The following DNAJC3 variants were observed in gnomAD, a reference collection of about 807,000 sequenced individuals.
The protein encoded by DNAJC3 is DnaJ heat shock protein family (Hsp40) member C3.
DNAJC3 carries 38 observed loss-of-function variants against 68.6 expected under a neutral mutation model. The observed-to-expected ratio is 0.55, with a 90% CI of 0.43 to 0.73. DNAJC3 has a LOEUF of 0.73. Among genes scored for constraint, DNAJC3 ranks in the 30% least tolerant of loss-of-function variants. The pLI, the probability that DNAJC3 is intolerant of heterozygous loss-of-function variation, is 0.00. For synonymous variants in DNAJC3, 203 were observed against 204.0 expected (o/e 1.00, Z 0.04); for missense variants, 526 against 591.9 (o/e 0.89, Z 1.16).
intron 9 of DNAJC3, among the ~76,000 whole-genome samples, chr13:95,776,172 T>A (rs1002081762): frequency 6.6e-6 from 1 of 152,176 alleles, no homozygotes; most frequent in Non-Finnish European, 1.5e-5. Flanking sequence ...GGATTCTTTT[T>A]TTATTTTGCT....
intron 4 of DNAJC3, 65 bp from the exon 5 acceptor site, chr13:95,757,579 T>G: frequency 3.5e-6 from 5 of 1,418,414 alleles, no homozygotes; most frequent in Non-Finnish European, 4.7e-6. Context: ...TTTACCCTTG[T>G]GTATATTACA....
chr13:95,766,311 G>A (rs748338530), intron 9 of DNAJC3, among the ~76,000 whole-genome samples: 7 of 152,200 alleles, frequency 4.6e-5, no homozygotes, highest in Non-Finnish European at 8.8e-5. Flanking sequence ...TAGAAAGCAA[G>A]TAAAGTAAGA....
chr13:95,688,948 GT>G (rs1469212454), intron 1 of DNAJC3, among the ~76,000 whole-genome samples: 14 of 150,854 alleles, frequency 9.3e-5, no homozygotes, highest in Non-Finnish European at 1.8e-4. Context: ...GTGTGTGTGT[GT>G]GTGTGTGTGT....
In DNAJC3 at chr13:95,790,968, T is replaced by A; in HGVS notation, c.1453T>A (p.Trp485Arg). 1 of 1,612,866 alleles carries A rather than the reference T, an allele frequency of 6.2e-7. No individual in the cohort carries two copies. Among genetic ancestry groups the A allele is most frequent in the South Asian group, 1.1e-5 (1 of 90,630 alleles). Reference sequence around the variant, plus strand: ...CCCTTTCCACAGAAGCTGGAACTCATGGCAAGGGTTCAATCCCTTCAGCTC... The same window carrying A: ...CCCTTTCCACAGAAGCTGGAACTCAAGGCAAGGGTTCAATCCCTTCAGCTC... Reference protein sequence around the residue: ...GNPFHRSWNSWQGFNPFSSGG... With the variant: ...GNPFHRSWNSRQGFNPFSSGG... The change falls in exon 12 of 12, where the codon TGG becomes AGG. Residue 485 changes from tryptophan (W) to arginine (R), a missense_variant. Coordinates refer to ENST00000602402, the MANE Select transcript of DNAJC3 (RefSeq NM_006260.5).
intron 2 of DNAJC3, among the ~76,000 whole-genome samples, chr13:95,711,424 G>A (rs1170679433): frequency 1.3e-5 from 2 of 151,736 alleles, no homozygotes; most frequent in African/African-American, 4.9e-5. Context: ...TTAGACCCAG[G>A]GGCCCGGAGG....
intron 9 of DNAJC3, among the ~76,000 whole-genome samples, chr13:95,782,811 CTTTAG>C (rs1338192714): frequency 2.0e-5 from 3 of 152,162 alleles, no homozygotes; most frequent in Non-Finnish European, 2.9e-5. Flanking sequence ...TGGAGAAGCT[CTTTAG>C]TTTAATTAGA....
At chr13:95,712,722 G>A (rs1235952570) in intron 2 of DNAJC3, among the ~76,000 whole-genome samples, 3 of 152,072 alleles carry the variant, frequency 2.0e-5, no homozygotes, top group Non-Finnish European at 2.9e-5. Context: ...CTTGCTGAAC[G>A]TGTTCATTAG....
intron 1 of DNAJC3, chr13:95,694,306 A>G (rs947887239): frequency 1.3e-5 from 2 of 152,530 alleles, no homozygotes; most frequent in African/African-American, 4.8e-5. Context: ...ACCAAAAACA[A>G]CCATCATACC....
chr13:95,711,187 A>T (rs1393549365), intron 2 of DNAJC3, among the ~76,000 whole-genome samples: 1 of 152,194 alleles, frequency 6.6e-6, no homozygotes, highest in African/African-American at 2.4e-5. Context: ...CATAGGAAAC[A>T]TATTTTTTTG....
chr13:95,782,184 T>G (rs1017936259), intron 9 of DNAJC3, among the ~76,000 whole-genome samples: 3 of 152,230 alleles, frequency 2.0e-5, no homozygotes, highest in African/African-American at 7.2e-5. Flanking sequence ...GTGGCACATT[T>G]TCTTTATCCA....
chr13:95,691,412 G>A (rs1426591568), intron 1 of DNAJC3, among the ~76,000 whole-genome samples: 2 of 145,642 alleles, frequency 1.4e-5, no homozygotes, highest in East Asian at 2.1e-4. Context: ...CTCACATCCC[G>A]GACGGGGCGG....
chr13:95,678,521 C>T (rs997927250), intron 1 of DNAJC3, among the ~76,000 whole-genome samples: 2 of 152,038 alleles, frequency 1.3e-5, no homozygotes, highest in African/African-American at 4.8e-5. Context: ...GTGAGGCTGC[C>T]CCCAGAAAAA....
intron 7 of DNAJC3, 79 bp downstream of exon 7, chr13:95,760,877 C>A: frequency 6.6e-7 from 1 of 1,522,852 alleles, no homozygotes; most frequent in Non-Finnish European, 8.8e-7. Flanking sequence ...CAGAACTGCT[C>A]TTTTACTTCT....
rs573670475 is a variant in DNAJC3 at position 95,757,945 on chromosome 13, TC to T, written c.546+151del. ...TTGCCTCTTAAGTATAAAATAGTGT[TC>T]CTAGACAACAAAATTTGGACTGAAG... On this transcript the variant is annotated intron_variant, in intron 5 of 11. Transcript: ENST00000602402. 1,793 of 830,510 alleles carry T rather than the reference TC, an allele frequency of 2.2e-3. 6 individuals are homozygous for T. The highest frequency in any genetic ancestry group is 2.7e-3 in the Non-Finnish European group (1,576 of 586,642). The allele number at this position is 830,510 out of a possible 1,614,324, so 51.4% of individuals were successfully genotyped here.
chr13:95,732,081 G>C (rs1271861840), intron 4 of DNAJC3, among the ~76,000 whole-genome samples: 1 of 151,902 alleles, frequency 6.6e-6, no homozygotes, highest in Non-Finnish European at 1.5e-5. Flanking sequence ...TCATTTGCTA[G>C]TATTTCGTTG....
At chr13:95,779,003 G>A (rs1272562780) in intron 9 of DNAJC3, among the ~76,000 whole-genome samples, 1 of 151,022 alleles carries the variant, frequency 6.6e-6, no homozygotes, top group Non-Finnish European at 1.5e-5. Flanking sequence ...GTGTTTGTTT[G>A]CCTGTATAAA....
intron 7 of DNAJC3, 107 bp from the exon 8 acceptor site, chr13:95,763,536 A>G (rs554025091): frequency 9.8e-7 from 1 of 1,016,002 alleles, no homozygotes; most frequent in South Asian, 1.6e-5. Flanking sequence ...CCATGGGCTC[A>G]TCCAATTGGA....
intron 1 of DNAJC3, among the ~76,000 whole-genome samples, chr13:95,685,890 T>C (rs113752310): frequency 6.6e-6 from 1 of 151,578 alleles, no homozygotes; most frequent in Non-Finnish European, 1.5e-5. Flanking sequence ...TGATGATTAG[T>C]GATGAACATT....
rs562194913 is a variant in DNAJC3 at position 95,771,800 on chromosome 13, C to G, written c.1075+7847C>G. 1.4e-4 allele frequency among the ~76,000 whole-genome samples: 22 copies of G among 152,164 alleles called. No homozygotes were observed. The South Asian group carries it at 1.5e-3, about 10-fold the overall frequency. On this transcript the variant is annotated intron_variant, in intron 9 of 11. Transcript: ENST00000602402. Reference sequence around the variant, plus strand: ...TACCAATCAGTTCCCATCCCACCCCCCCACAGGCAACTCTGTTCTGATTTT... The same window carrying G: ...TACCAATCAGTTCCCATCCCACCCCGCCACAGGCAACTCTGTTCTGATTTT...
Sources: allele counts gnomAD v4.1 joint callset (sites outside exome capture counted in the v4.1 genomes callset), GRCh38; gene constraint gnomAD v4.1.1; transcripts MANE v1.5; gene names NCBI Gene and HGNC (gene_info 2026-07-23, HGNC 2026-07-21).